MAPKAPK2: variants seen among roughly 807,000 people sequenced by gnomAD.
The protein encoded by MAPKAPK2 is MAPK activated protein kinase 2.
MAPKAPK2 carries 9 observed loss-of-function variants against 48.8 expected under a neutral mutation model. The observed-to-expected ratio is 0.18, with a 90% CI of 0.11 to 0.32. MAPKAPK2 has a LOEUF of 0.32. MAPKAPK2 is among the 10% of genes least tolerant of loss of function. MAPKAPK2 has a pLI of 1.00. For synonymous variants in MAPKAPK2, 202 were observed against 190.6 expected, an observed-to-expected ratio of 1.06 and a Z score of -0.49; for missense variants, 331 against 498.3, an observed-to-expected ratio of 0.66 and a Z score of 3.20.
chr1:206,689,993 C>A (rs1672406664), intron 1 of MAPKAPK2, among the ~76,000 whole-genome samples: 1 of 152,104 alleles, frequency 6.6e-6, no homozygotes, highest in Non-Finnish European at 1.5e-5. Context: ...GTCAGTGGGA[C>A]ATGGCTGTGC....
Position 206,731,281 on chromosome 1 carries a change from A to G in MAPKAPK2, c.892+19A>G, listed in dbSNP as rs782649327. Reference sequence around the variant, plus strand: ...GAGGAAGGTAAGAACCCAGGCTTTCAGGACAAGGGGAAGAGCCCGTGTGTG... The same window carrying G: ...GAGGAAGGTAAGAACCCAGGCTTTCGGGACAAGGGGAAGAGCCCGTGTGTG... On this transcript the variant is annotated intron_variant, in intron 7 of 9. Transcript: ENST00000367103. The surrounding 1 kb of genome is among the most constrained non-coding windows in gnomAD (Gnocchi z 5.9). 54 of 1,613,612 alleles carry G rather than the reference A, an allele frequency of 3.3e-5. No individual in the cohort carries two copies. Among genetic ancestry groups the G allele is most frequent in the Non-Finnish European group, 4.2e-5 (50 of 1,179,978 alleles).
chr1:206,699,517 C>T (rs1553427581), intron 1 of MAPKAPK2, among the ~76,000 whole-genome samples: 1 of 152,202 alleles, frequency 6.6e-6, no homozygotes, highest in African/African-American at 2.4e-5. Context: ...GATGCTGCCT[C>T]TCCAGGAATC....
rs1401717406 is a variant in MAPKAPK2 at position 206,701,286 on chromosome 1, T to C, written c.279+15778T>C. Among the ~76,000 whole-genome samples the C allele has an allele frequency of 2.8e-4, 43 of 152,206 alleles. 1 individual carries two copies. ...AGTGTTAATAACATTTAAAATTCAG[T>C]TCCTCAGTAGTGCCAGCCACATTTT... On this transcript the variant is annotated intron_variant, in intron 1 of 9. Transcript: ENST00000367103.
chr1:206,723,050 A>G (rs1673582655), intron 1 of MAPKAPK2, among the ~76,000 whole-genome samples: 1 of 152,214 alleles, frequency 6.6e-6, no homozygotes. Context: ...TGCCAGAATC[A>G]GCCTTTTGCA....
intron 1 of MAPKAPK2, among the ~76,000 whole-genome samples, chr1:206,713,601 T>C (rs1230331202): frequency 6.6e-6 from 1 of 152,150 alleles, no homozygotes; most frequent in African/African-American, 2.4e-5. Context: ...GCATGGTGGC[T>C]CATGCCTGTA....
Position 206,711,815 on chromosome 1 carries a change from G to A in MAPKAPK2, c.280-16895G>A, listed in dbSNP as rs939305316. 2.6e-5 allele frequency among the ~76,000 whole-genome samples: 4 copies of A among 151,692 alleles called. No individual in the cohort carries two copies. In the East Asian group the frequency reaches 5.8e-4, roughly 22 times the overall value. Reference sequence around the variant, plus strand: ...TCTGTATTTTATTCGTAGAGACAGGGTTTTGCCATGTTGCCCAGGTTGGTC... The same window carrying A: ...TCTGTATTTTATTCGTAGAGACAGGATTTTGCCATGTTGCCCAGGTTGGTC... On this transcript the variant is annotated intron_variant, in intron 1 of 9. Coordinates refer to ENST00000367103, the MANE Select transcript of MAPKAPK2 (RefSeq NM_032960.4).
chr1:206,696,677 C>G (rs1328535864), intron 1 of MAPKAPK2, among the ~76,000 whole-genome samples: 4 of 152,180 alleles, frequency 2.6e-5, no homozygotes, highest in Admixed American at 2.6e-4. Context: ...GCACTCCAGC[C>G]TGGGTGACAG....
intron 1 of MAPKAPK2, among the ~76,000 whole-genome samples, chr1:206,706,927 C>A (rs1230361322): frequency 1.3e-5 from 2 of 152,086 alleles, no homozygotes; most frequent in Non-Finnish European, 2.9e-5. Flanking sequence ...AGCCCCTTCC[C>A]TACCCCTCAT....
chr1:206,709,836 G>C (rs1260326343), intron 1 of MAPKAPK2, among the ~76,000 whole-genome samples: 1 of 151,992 alleles, frequency 6.6e-6, no homozygotes, highest in African/African-American at 2.4e-5. Context: ...CAGCATCCCT[G>C]GCCTCTACCC....
chr1:206,729,613 G>A (rs1351831164), intron 4 of MAPKAPK2, 138 bp downstream of exon 4: 3 of 777,908 alleles, frequency 3.9e-6, no homozygotes, highest in South Asian at 3.2e-5. Flanking sequence ...GCCTTGTAGG[G>A]CCTTGCCCTC....
intron 1 of MAPKAPK2, among the ~76,000 whole-genome samples, chr1:206,714,554 G>C (rs1176162323): frequency 6.6e-6 from 1 of 151,734 alleles, no homozygotes; most frequent in South Asian, 2.1e-4. Context: ...CCTGAGGTCA[G>C]GAGTTCGAAA....
chr1:206,689,321 A>C (rs994414007), intron 1 of MAPKAPK2, among the ~76,000 whole-genome samples: 1 of 152,064 alleles, frequency 6.6e-6, no homozygotes, highest in Non-Finnish European at 1.5e-5. Flanking sequence ...GGAGCCTCTC[A>C]TGATTATTCT....
Position 206,731,796 on chromosome 1 carries a change from C to G in MAPKAPK2, c.979-43C>G. On this transcript the variant is annotated intron_variant, in intron 8 of 9. Transcript: ENST00000367103. This position sits in a 1 kb window ranked among gnomAD's most constrained non-coding sequence, Gnocchi z 5.9. ...CACAGGACAGAGTCTTAGCCAGGAC[C>G]CTACCCCAGGCTTTCACTCGGACCC... 6.2e-7 allele frequency: 1 copy of G among 1,608,944 alleles called. No individual in the cohort carries two copies. Among genetic ancestry groups the G allele is most frequent in the Non-Finnish European group, 8.5e-7 (1 of 1,175,338 alleles).
rs147431519 is a variant in MAPKAPK2 at position 206,697,903 on chromosome 1, C to A, written c.279+12395C>A. Among the ~76,000 whole-genome samples the A allele has an allele frequency of 1.2e-3, 187 of 152,394 alleles. 1 individual carries two copies. Among genetic ancestry groups the A allele is most frequent in the African/African-American group, 4.1e-3 (169 of 41,592 alleles). Reference sequence around the variant, plus strand: ...TGTGGCCCCAAGCAAGTCCTAGGACCTGTCTGGGCCTCACTCAGTTTCCTC... The same window carrying A: ...TGTGGCCCCAAGCAAGTCCTAGGACATGTCTGGGCCTCACTCAGTTTCCTC... On this transcript the variant is annotated intron_variant, in intron 1 of 9. Transcript: ENST00000367103.
Position 206,685,222 on chromosome 1 carries a change from C to G in MAPKAPK2, c.-8C>G, listed in dbSNP as rs1378882094. On this transcript the variant is annotated 5_prime_UTR_variant, in exon 1 of 10. Transcript: ENST00000367103. ...ACCCCCGCCTGTGCCCCGGCGTCCCCGGGCACCATGCTGTCCAACTCCCAG... is the reference window on the plus strand; with the variant it reads ...ACCCCCGCCTGTGCCCCGGCGTCCCGGGGCACCATGCTGTCCAACTCCCAG... The G allele has an allele frequency of 9.2e-4, 386 of 421,594 alleles. 5 individuals are homozygous for G. Among genetic ancestry groups the G allele is most frequent in the Non-Finnish European group, 2.1e-4 (55 of 259,570 alleles). The allele number at this position is 421,594 out of a possible 1,614,324, so 26.1% of individuals were successfully genotyped here. A position where few individuals can be genotyped will look rare whatever the true frequency, so the allele number is the denominator to read the frequency against.
intron 1 of MAPKAPK2, among the ~76,000 whole-genome samples, chr1:206,686,187 G>GA (rs1246667447): frequency 6.6e-6 from 1 of 152,204 alleles, no homozygotes; most frequent in Non-Finnish European, 1.5e-5. Flanking sequence ...CGGCTCCGGG[G>GA]AGAGGCCGGC....
At chr1:206,728,055 C>G (rs571608369) in intron 1 of MAPKAPK2, among the ~76,000 whole-genome samples, 2 of 152,176 alleles carry the variant, frequency 1.3e-5, no homozygotes, top group Non-Finnish European at 2.9e-5. Context: ...GGTGAGAAGC[C>G]AGCCTCCTTT....
intron 1 of MAPKAPK2, among the ~76,000 whole-genome samples, chr1:206,706,310 C>T (rs1310836533): frequency 3.9e-5 from 6 of 152,078 alleles, no homozygotes; most frequent in Admixed American, 6.6e-5. Context: ...CACAGAGACC[C>T]AGAGTCACTC....
chr1:206,706,767 T>G (rs1167762738), intron 1 of MAPKAPK2, among the ~76,000 whole-genome samples: 1 of 152,192 alleles, frequency 6.6e-6, no homozygotes, highest in Non-Finnish European at 1.5e-5. Context: ...TGGGTGGGGC[T>G]TTACTTGTTC....
Sources: allele counts gnomAD v4.1 joint callset (sites outside exome capture counted in the v4.1 genomes callset), GRCh38; gene constraint gnomAD v4.1.1; non-coding constraint Gnocchi (gnomAD v3.1); transcripts MANE v1.5; gene names NCBI Gene and HGNC (gene_info 2026-07-23, HGNC 2026-07-21).